The following DNM3 variants were observed in gnomAD, a reference collection of about 807,000 sequenced individuals.
The protein encoded by DNM3 is dynamin-3.
In DNM3, 47 loss-of-function variants were observed where a neutral mutation model predicts 101.6. That is an observed-to-expected ratio of 0.46 (90% CI 0.37 to 0.59). The LOEUF is 0.59. DNM3 is among the 20% of genes least tolerant of loss of function. The pLI, the probability that DNM3 is intolerant of heterozygous loss-of-function variation, is 0.00. For synonymous variants in DNM3, 385 were observed against 387.9 expected, an observed-to-expected ratio of 0.99 and a Z score of 0.09; for missense variants, 849 against 1,085.7, an observed-to-expected ratio of 0.78 and a Z score of 3.06.
chr1:172,132,937 A>G (rs1397976526), intron 14 of DNM3: 13 of 1,417,868 alleles, frequency 9.2e-6, no homozygotes. Flanking sequence ...TCACACAGCT[A>G]GTTGGTGGCA....
intron 1 of DNM3, among the ~76,000 whole-genome samples, chr1:171,895,953 G>A (rs1296190576): frequency 6.6e-6 from 1 of 152,006 alleles, no homozygotes; most frequent in African/African-American, 2.4e-5. Context: ...GGTTGTAGAT[G>A]GGTGGTGTTA....
chr1:172,417,687 T>G (rs1018384287), downstream of DNM3, among the ~76,000 whole-genome samples: 1 of 152,232 alleles, frequency 6.6e-6, no homozygotes, highest in Non-Finnish European at 1.5e-5. Context: ...ACTACTCACC[T>G]GGAGCAAATT....
intron 1 of DNM3, among the ~76,000 whole-genome samples, chr1:171,855,573 G>A (rs1484098553): frequency 1.3e-5 from 2 of 152,164 alleles, no homozygotes; most frequent in Non-Finnish European, 2.9e-5. Flanking sequence ...TAGCCATGCT[G>A]ACTGGTGTGA....
intron 15 of DNM3, among the ~76,000 whole-genome samples, chr1:172,256,270 A>G (rs1008914572): frequency 1.3e-5 from 2 of 152,074 alleles, no homozygotes; most frequent in African/African-American, 2.4e-5. Flanking sequence ...CCTTCATAAA[A>G]GGTAGGGATT....
intron 13 of DNM3, among the ~76,000 whole-genome samples, chr1:172,115,671 G>A (rs1044847919): frequency 2.0e-5 from 3 of 152,006 alleles, no homozygotes; most frequent in Admixed American, 6.6e-5. Context: ...CCCTCTTCCC[G>A]GAATTCATTC....
At chr1:171,877,385 G>T (rs1423269445) in intron 1 of DNM3, among the ~76,000 whole-genome samples, 1 of 152,144 alleles carries the variant, frequency 6.6e-6, no homozygotes, top group African/African-American at 2.4e-5. Context: ...TAAATGTTTT[G>T]CAAGTTTGCT....
intron 14 of DNM3, among the ~76,000 whole-genome samples, chr1:172,133,892 G>A (rs1436472464): frequency 6.6e-6 from 1 of 152,162 alleles, no homozygotes; most frequent in Non-Finnish European, 1.5e-5. Flanking sequence ...ACCAGTAGAT[G>A]GGGGCCTTAT....
intron 14 of DNM3, among the ~76,000 whole-genome samples, chr1:172,243,901 C>A (rs1248326287): frequency 6.6e-6 from 1 of 151,944 alleles, no homozygotes; most frequent in Non-Finnish European, 1.5e-5. Flanking sequence ...TTTTAGGGTA[C>A]ATGTGCACAT....
intron 10 of DNM3, among the ~76,000 whole-genome samples, chr1:172,050,332 C>A (rs889719047): frequency 2.0e-5 from 3 of 152,156 alleles, no homozygotes; most frequent in Admixed American, 2.0e-4. Flanking sequence ...ATGTGTTTAG[C>A]CAGAGGCTTC....
At chr1:172,323,280 T>C (rs2065802210) in intron 16 of DNM3, 49 bp from the exon 17 acceptor site, 5 of 1,531,546 alleles carry the variant, frequency 3.3e-6, no homozygotes, top group Non-Finnish European at 4.4e-6. Flanking sequence ...TTAAAATAAA[T>C]TTCTGTTTAA....
rs1314666803 is a variant in DNM3, at chr1:172,068,800, G to T, written c.1336-19G>T. On this transcript the variant is annotated intron_variant, in intron 10 of 20. Transcript: ENST00000627582. ...GTAACTTTTTGAGTATTAATACTCA[G>T]ATCTGCTTTTCTTGACAGCTGGCAA... The T allele has an allele frequency of 8.4e-6, 13 of 1,553,600 alleles. No individual in the cohort carries two copies. The highest frequency in any genetic ancestry group is 8.2e-5 in the African/African-American group (6 of 73,224).
chr1:172,329,907 A>G (rs965112061), intron 17 of DNM3, among the ~76,000 whole-genome samples: 1 of 152,220 alleles, frequency 6.6e-6, no homozygotes, highest in African/African-American at 2.4e-5. Context: ...CTAGGAACCA[A>G]GAAGTGTAAA....
chr1:171,855,712 G>A lies in DNM3; in HGVS notation c.161+13895G>A, dbSNP rs146478349. Among the ~76,000 whole-genome samples, 211 of 152,094 alleles carry A rather than the reference G, an allele frequency of 1.4e-3. 1 individual carries two copies. The highest frequency in any genetic ancestry group is 4.9e-3 in the African/African-American group (202 of 41,536). ...CTTCTTTTGAAAAATGTCTGTTCATGTCCTTTGCCCACTTTTTTCTTGTAA... is the reference window on the plus strand; with the variant it reads ...CTTCTTTTGAAAAATGTCTGTTCATATCCTTTGCCCACTTTTTTCTTGTAA... On this transcript the variant is annotated intron_variant, in intron 1 of 20. Transcript: ENST00000627582.
intron 2 of DNM3, among the ~76,000 whole-genome samples, chr1:171,930,365 C>G (rs1488173232): frequency 6.6e-6 from 1 of 152,094 alleles, no homozygotes; most frequent in African/African-American, 2.4e-5. Flanking sequence ...CTTCTCAGCC[C>G]CCTGGATTCA....
chr1:171,880,333 A>G (rs999572813), intron 1 of DNM3, among the ~76,000 whole-genome samples: 1 of 152,196 alleles, frequency 6.6e-6, no homozygotes. Flanking sequence ...ACATAGTCAG[A>G]TGTGCCAGGT....
intron 10 of DNM3, among the ~76,000 whole-genome samples, chr1:172,049,812 G>A (rs181884338): frequency 1.2e-4 from 18 of 152,224 alleles, no homozygotes; most frequent in South Asian, 4.1e-4. Context: ...CAGAGAATGA[G>A]AATGAATATG....
chr1:172,203,140 T>C (rs770644762), intron 14 of DNM3, among the ~76,000 whole-genome samples: 1 of 152,188 alleles, frequency 6.6e-6, no homozygotes, highest in Non-Finnish European at 1.5e-5. Flanking sequence ...TTAAATATTA[T>C]GTTCAGGACA....
chr1:172,418,180 C>A, intron 20 of DNM3: 2 of 951,314 alleles, frequency 2.1e-6, no homozygotes, highest in Non-Finnish European at 2.9e-6. Context: ...TTTTTGCATG[C>A]TATTATTTGG....
At chr1:171,864,512 A>C (rs2125056798) in intron 1 of DNM3, 1 of 152,338 alleles carries the variant, frequency 6.6e-6, no homozygotes, top group Non-Finnish European at 1.5e-5. Context: ...TAGAGGACAA[A>C]CTGCCAGTTG....
Sources: gnomAD v4.1 joint callset for allele counts (sites outside exome capture counted in the v4.1 genomes callset) on GRCh38, gnomAD v4.1.1 for gene constraint, MANE v1.5 for transcripts, NCBI Gene and HGNC (gene_info 2026-07-23, HGNC 2026-07-21) for gene names.